Variants in STAU2 observed in about 807,000 individuals in gnomAD.
STAU2 encodes double-stranded RNA-binding protein Staufen homolog 2.
A neutral mutation model predicts 65.9 loss-of-function variants in STAU2; 20 were observed. The observed-to-expected ratio is 0.30, with a 90% CI of 0.21 to 0.44. The LOEUF is 0.44. Ranked by LOEUF, STAU2 falls within the 20% of genes least tolerant of loss-of-function variation. STAU2 has a pLI of 1.00. For missense variants in STAU2, 558 were observed against 683.9 expected (o/e 0.82, Z 2.05); for synonymous variants, 232 against 233.9 (o/e 0.99, Z 0.07).
intron 3 of STAU2, among the ~76,000 whole-genome samples, chr8:73,726,008 G>GTTT (rs755019951): frequency 6.2e-4 from 90 of 144,658 alleles, no homozygotes; most frequent in East Asian, 3.4e-3. Flanking sequence ...GCGTGGTTAG[G>GTTT]TTTTTTTTTT....
Position 73,439,785 on chromosome 8 carries a change from C to G in STAU2, c.1531-17083G>C, listed in dbSNP as rs78542818. 0.071 allele frequency: 10,864 copies of G among 152,330 alleles called. 919 individuals carry two copies. Among genetic ancestry groups the G allele is most frequent in the African/African-American group, 0.2 (8,378 of 41,524 alleles). 9.4% of individuals were successfully genotyped at this position (152,330 alleles called of 1,614,324 possible). ...ACAACAGGTTGGTTTGACTCTCATTCGCAGTTAAAGACGAGGAGACGGAGA... is the reference window on the plus strand; with the variant it reads ...ACAACAGGTTGGTTTGACTCTCATTGGCAGTTAAAGACGAGGAGACGGAGA... On this transcript the variant is annotated intron_variant, in intron 13 of 14. Coordinates refer to ENST00000524300, the MANE Select transcript of STAU2 (RefSeq NM_001164380.2).
chr8:73,535,194 G>C (rs1384011155), intron 13 of STAU2, among the ~76,000 whole-genome samples: 2 of 151,828 alleles, frequency 1.3e-5, no homozygotes, highest in African/African-American at 4.8e-5. Flanking sequence ...TTTTGAGACG[G>C]AGTCTCACTC....
intron 6 of STAU2, among the ~76,000 whole-genome samples, chr8:73,635,999 G>A (rs1049407839): frequency 6.7e-6 from 1 of 149,328 alleles, no homozygotes; most frequent in Non-Finnish European, 1.5e-5. Context: ...AGAATTTGAG[G>A]TGCCTGCCAC....
intron 13 of STAU2, among the ~76,000 whole-genome samples, chr8:73,477,447 G>T (rs1820378899): frequency 6.6e-6 from 1 of 152,144 alleles, no homozygotes; most frequent in Non-Finnish European, 1.5e-5. Flanking sequence ...TATGAGTATT[G>T]GGTCATGATG....
At chr8:73,742,916 A>G (rs966458831) in intron 1 of STAU2, among the ~76,000 whole-genome samples, 1 of 152,180 alleles carries the variant, frequency 6.6e-6, no homozygotes, top group Non-Finnish European at 1.5e-5. Flanking sequence ...CTAAATATGT[A>G]TAAATTTTTT....
At chr8:73,518,342 A>C (rs1028046082) in intron 13 of STAU2, among the ~76,000 whole-genome samples, 1 of 152,234 alleles carries the variant, frequency 6.6e-6, no homozygotes, top group Non-Finnish European at 1.5e-5. Context: ...TCAGAAGGTG[A>C]ATTTTTAAGG....
At chr8:73,457,222 CAGAA>C (rs35126901) in intron 13 of STAU2, among the ~76,000 whole-genome samples, 56,142 of 151,866 alleles carry the variant, frequency 0.37, 10,789 homozygotes, top group Non-Finnish European at 0.42. Context: ...TAGAAACACA[CAGAA>C]AGAAATTTCA....
At chr8:73,747,223 T>G, upstream of STAU2, 1 of 776,322 alleles carries the variant, frequency 1.3e-6, no homozygotes, top group Non-Finnish European at 1.9e-6. Context: ...GCGCGCCCGG[T>G]CCGCAGTCTC....
At chr8:73,720,106 A>C (rs1448950914) in intron 3 of STAU2, among the ~76,000 whole-genome samples, 1 of 152,054 alleles carries the variant, frequency 6.6e-6, no homozygotes, top group African/African-American at 2.4e-5. Context: ...GTGAAACCTT[A>C]TCTCTACAAA....
chr8:73,653,149 C>G (rs927389565), intron 6 of STAU2: 1 of 152,108 alleles, frequency 6.6e-6, no homozygotes, highest in Admixed American at 6.5e-5. Flanking sequence ...TGACTGACAA[C>G]AATGATTTGG....
intron 13 of STAU2, among the ~76,000 whole-genome samples, chr8:73,434,871 A>G (rs895168685): frequency 6.6e-6 from 1 of 151,798 alleles, no homozygotes. Context: ...CACTCTCTCA[A>G]TCAAAAGCCA....
At chr8:73,482,918 T>C (rs1820711169) in intron 13 of STAU2, among the ~76,000 whole-genome samples, 1 of 152,188 alleles carries the variant, frequency 6.6e-6, no homozygotes, top group South Asian at 2.1e-4. Flanking sequence ...GATGACTTAA[T>C]TGGTGGTTTT....
intron 13 of STAU2, chr8:73,441,234 G>A (rs1818111271): frequency 6.6e-6 from 1 of 152,208 alleles, no homozygotes; most frequent in African/African-American, 2.4e-5. Context: ...TAGTATCTGT[G>A]TCTTCCATTA....
chr8:73,601,170 A>G (rs559187671), intron 10 of STAU2, among the ~76,000 whole-genome samples: 67 of 152,358 alleles, frequency 4.4e-4, no homozygotes, highest in Admixed American at 3.0e-3. Flanking sequence ...GCTCATTCAC[A>G]TGAATCAAAT....
At chr8:73,463,512 G>C (rs569978853) in intron 13 of STAU2, among the ~76,000 whole-genome samples, 8 of 152,316 alleles carry the variant, frequency 5.3e-5, no homozygotes, top group East Asian at 1.9e-4. Flanking sequence ...ACAGAAGCTG[G>C]TGTTACTAAT....
intron 6 of STAU2, chr8:73,653,952 T>C (rs942915805): frequency 2.0e-5 from 8 of 394,588 alleles, no homozygotes; most frequent in Non-Finnish European, 3.0e-5. Flanking sequence ...TTTTCAAACT[T>C]TGTAAAAGTT....
At chr8:73,652,740 CTG>C (rs902624572) in intron 6 of STAU2, 2 of 144,668 alleles carry the variant, frequency 1.4e-5, no homozygotes, top group Admixed American at 1.4e-4. Context: ...AAAAAAAAAA[CTG>C]TTATTTCTGT....
At chr8:73,456,108 A>G (rs1194256756) in intron 13 of STAU2, among the ~76,000 whole-genome samples, 1 of 152,146 alleles carries the variant, frequency 6.6e-6, no homozygotes, top group Non-Finnish European at 1.5e-5. Flanking sequence ...CAGTGAGACA[A>G]ATACCCTTAA....
chr8:73,662,194 CTA>C (rs2130329890), intron 6 of STAU2, among the ~76,000 whole-genome samples: 1 of 152,262 alleles, frequency 6.6e-6, no homozygotes, highest in East Asian at 1.9e-4. Flanking sequence ...ATTCTTATCT[CTA>C]TTGTCTATTC....
Sources: gnomAD v4.1 joint callset for allele counts (sites outside exome capture counted in the v4.1 genomes callset) on GRCh38, gnomAD v4.1.1 for gene constraint, MANE v1.5 for transcripts, NCBI Gene and HGNC (gene_info 2026-07-23, HGNC 2026-07-21) for gene names.